PDCD1LG2: variants seen among roughly 807,000 people sequenced by gnomAD.
PDCD1LG2 encodes programmed cell death 1 ligand 2.
In PDCD1LG2, 32 loss-of-function variants were observed where a neutral mutation model predicts 28.2. The ratio of observed to expected loss-of-function variants is 1.13; its 90% confidence interval spans 0.86 to 1.52. The LOEUF (loss-of-function observed/expected upper bound fraction) is 1.52, where lower values mean the gene tolerates loss of function less well. Ranked by LOEUF, PDCD1LG2 falls within the 40% of genes most tolerant of loss-of-function variation. The pLI is 0.00. For missense variants in PDCD1LG2, 385 were observed against 323.8 expected (o/e 1.19, Z -1.45); for synonymous variants, 116 against 120.2 (o/e 0.97, Z 0.23).
chr9:5,533,972 G>T (rs983006185), intron 2 of PDCD1LG2, among the ~76,000 whole-genome samples: 86 of 149,362 alleles, frequency 5.8e-4, no homozygotes, highest in Non-Finnish European at 1.1e-3. Context: ...TCCCTTTATT[G>T]TCAGAAAATA....
chr9:5,560,498 T>A (rs1019449042), intron 5 of PDCD1LG2, among the ~76,000 whole-genome samples: 2 of 152,142 alleles, frequency 1.3e-5, no homozygotes, highest in Non-Finnish European at 2.9e-5. Flanking sequence ...AGATTACAGT[T>A]CTTATGGTTC....
chr9:5,548,240 A>G (rs1280691804), intron 3 of PDCD1LG2, among the ~76,000 whole-genome samples: 2 of 152,188 alleles, frequency 1.3e-5, no homozygotes, highest in Non-Finnish European at 2.9e-5. Context: ...CAAATAAATG[A>G]GATCATACAT....
chr9:5,547,228 T>C (rs1816229283), intron 3 of PDCD1LG2, among the ~76,000 whole-genome samples: 1 of 152,242 alleles, frequency 6.6e-6, no homozygotes, highest in Non-Finnish European at 1.5e-5. Flanking sequence ...TACCTATTTA[T>C]ACTTCCAACA....
At chr9:5,552,339 C>G (rs371114857) in intron 4 of PDCD1LG2, among the ~76,000 whole-genome samples, 11 of 152,164 alleles carry the variant, frequency 7.2e-5, no homozygotes, top group Non-Finnish European at 1.0e-4. Flanking sequence ...AGTAGCAGAG[C>G]TTTAGATGCA....
At chr9:5,563,054 G>A (rs937899923) in intron 5 of PDCD1LG2, 108 bp from the exon 6 acceptor site, 3 of 928,410 alleles carry the variant, frequency 3.2e-6, no homozygotes, top group South Asian at 3.1e-5. Context: ...TTTGGGCTTC[G>A]CTATGTGGAT....
rs1187094622 is a variant in PDCD1LG2, at chr9:5,549,536, GA to G, written c.566del (p.Asn189ThrfsTer11). 1 of 1,614,218 alleles carries G rather than the reference GA, an allele frequency of 6.2e-7. No homozygotes were observed. The highest frequency in any genetic ancestry group is 1.1e-5 in the South Asian group (1 of 91,084). On this transcript the variant is annotated frameshift_variant, in exon 4 of 7. Transcript: ENST00000397747. LOFTEE classifies it high-confidence loss of function. ...SVLRLKPPPG[R>X]NFSCVFWNTH... ...CTGCGCCTAAAGCCACCCCCTGGCA[GA>G]AACTTCAGCTGTGTGTTCTGGAATA...
rs1191094535 is a variant in PDCD1LG2 at position 5,570,749 on chromosome 9, T to TA, written c.*791dup. On this transcript the variant is annotated 3_prime_UTR_variant, in exon 7 of 7. Coordinates refer to ENST00000397747, the MANE Select transcript of PDCD1LG2 (RefSeq NM_025239.4). ...CAGTCAAAAATATTTGATATGCTCA[T>TA]ACGTTGTATCTGCAGCAATTTCAGA... 8.6e-6 allele frequency: 2 copies of TA among 232,316 alleles called. No individual in the cohort carries two copies. The highest frequency in any genetic ancestry group is 1.7e-5 in the Non-Finnish European group (2 of 117,488). The allele number at this position is 232,316 out of a possible 1,614,324, so 14.4% of individuals were successfully genotyped here. A position where few individuals can be genotyped will look rare whatever the true frequency, so the allele number is the denominator to read the frequency against.
At chr9:5,538,122 T>C (rs1194560657) in intron 3 of PDCD1LG2, among the ~76,000 whole-genome samples, 1 of 152,182 alleles carries the variant, frequency 6.6e-6, no homozygotes, top group African/African-American at 2.4e-5. Context: ...AATTTTTTCA[T>C]TTAATAATTT....
At chr9:5,538,234 G>C (rs939251146) in intron 3 of PDCD1LG2, among the ~76,000 whole-genome samples, 13 of 151,896 alleles carry the variant, frequency 8.6e-5, no homozygotes, top group Non-Finnish European at 1.3e-4. Context: ...ACATTCTCCA[G>C]TCTCATTCCC....
At chr9:5,539,344 T>C (rs1049821165) in intron 3 of PDCD1LG2, among the ~76,000 whole-genome samples, 1 of 152,120 alleles carries the variant, frequency 6.6e-6, no homozygotes, top group African/African-American at 2.4e-5. Flanking sequence ...GAGGCCCCAA[T>C]GAGGGTTCCC....
intron 2 of PDCD1LG2, among the ~76,000 whole-genome samples, chr9:5,530,907 G>C (rs563763673): frequency 2.6e-5 from 4 of 152,190 alleles, no homozygotes; most frequent in Non-Finnish European, 5.9e-5. Context: ...TCTGGGGAAG[G>C]CTTGAAATTC....
chr9:5,545,046 G>A (rs1816157888), intron 3 of PDCD1LG2, among the ~76,000 whole-genome samples: 1 of 152,180 alleles, frequency 6.6e-6, no homozygotes, highest in Non-Finnish European at 1.5e-5. Context: ...TTTACTTAGG[G>A]TTGAAAAGAC....
intron 6 of PDCD1LG2, among the ~76,000 whole-genome samples, chr9:5,564,917 G>T (rs1816633718): frequency 6.6e-6 from 1 of 152,208 alleles, no homozygotes; most frequent in African/African-American, 2.4e-5. Context: ...ATACAGTAAT[G>T]AGTAACTTTA....
At chr9:5,566,295 A>T (rs1463970237) in intron 6 of PDCD1LG2, among the ~76,000 whole-genome samples, 2 of 152,236 alleles carry the variant, frequency 1.3e-5, no homozygotes, top group Non-Finnish European at 2.9e-5. Context: ...CCAGCAACTG[A>T]AGCAAGACCT....
intron 2 of PDCD1LG2, among the ~76,000 whole-genome samples, 156 bp downstream of exon 2, chr9:5,522,757 C>T (rs1459642583): frequency 2.0e-5 from 3 of 151,848 alleles, no homozygotes; most frequent in Non-Finnish European, 2.9e-5. Flanking sequence ...AAAAAAGAGT[C>T]CCCATGGTGG....
At chr9:5,538,507 A>G (rs1443258036) in intron 3 of PDCD1LG2, among the ~76,000 whole-genome samples, 1 of 151,944 alleles carries the variant, frequency 6.6e-6, no homozygotes, top group African/African-American at 2.4e-5. Context: ...AACATGGTGA[A>G]ACCCTGTCTC....
chr9:5,520,330 T>A (rs1389963729), intron 1 of PDCD1LG2, among the ~76,000 whole-genome samples: 1 of 152,198 alleles, frequency 6.6e-6, no homozygotes, highest in East Asian at 1.9e-4. Flanking sequence ...CCAAGACAGT[T>A]CAATAGGGAA....
chr9:5,561,346 A>C lies in PDCD1LG2; in HGVS notation c.767-1816A>C, dbSNP rs763126682. Reference sequence around the variant, plus strand: ...TAGACCCTTTACAAACTTCTCATTTAATTTCACAAAAATTGCTTGTGGCAA... The same window carrying C: ...TAGACCCTTTACAAACTTCTCATTTCATTTCACAAAAATTGCTTGTGGCAA... On this transcript the variant is annotated intron_variant, in intron 5 of 6. Transcript: ENST00000397747. Among the ~76,000 whole-genome samples the C allele has an allele frequency of 7.0e-4, 106 of 152,322 alleles. 1 individual carries two copies. The highest frequency in any genetic ancestry group is 7.3e-4 in the Non-Finnish European group (50 of 68,028).
chr9:5,569,120 C>T lies in PDCD1LG2; in HGVS notation c.817-834C>T, dbSNP rs1214553996. Among the ~76,000 whole-genome samples, 1 of 152,156 alleles carries T rather than the reference C, an allele frequency of 6.6e-6. No individual in the cohort carries two copies. Among genetic ancestry groups the T allele is most frequent in the African/African-American group, 2.4e-5 (1 of 41,422 alleles). On this transcript the variant is annotated intron_variant, in intron 6 of 6. Coordinates refer to ENST00000397747, the MANE Select transcript of PDCD1LG2 (RefSeq NM_025239.4). This position sits in a 1 kb window ranked among gnomAD's most constrained non-coding sequence, Gnocchi z 4.1. ...GACTGTTAGGGCATGTATTGTAAAC[C>T]ACTAATTCCAGGCAAAAGTTAGATT...
Sources: gnomAD v4.1 joint callset for allele counts (sites outside exome capture counted in the v4.1 genomes callset) on GRCh38, gnomAD v4.1.1 for gene constraint, Gnocchi (gnomAD v3.1) non-coding constraint, MANE v1.5 for transcripts, NCBI Gene and HGNC (gene_info 2026-07-23, HGNC 2026-07-21) for gene names.